Variants in RNF126 observed in about 807,000 individuals in gnomAD.
The protein encoded by RNF126 is ring finger protein 126.
In RNF126, 20 loss-of-function variants were observed where a neutral mutation model predicts 41.9. That is an observed-to-expected ratio of 0.48 (90% CI 0.34 to 0.69). The LOEUF is 0.69. RNF126 is among the 30% of genes least tolerant of loss of function. The pLI, the probability that RNF126 is intolerant of heterozygous loss-of-function variation, is 0.01. For missense variants in RNF126, 433 were observed against 460.6 expected (o/e 0.94, Z 0.55); for synonymous variants, 239 against 202.9 (o/e 1.18, Z -1.51).
Position 655,419 on chromosome 19 carries a change from G to A in RNF126, c.76-2535C>T, listed in dbSNP as rs182961039. Among the ~76,000 whole-genome samples the A allele has an allele frequency of 3.1e-3, 468 of 152,038 alleles. 1 individual carries two copies. Among genetic ancestry groups the A allele is most frequent in the African/African-American group, 0.011 (451 of 41,452 alleles). ...GAGAACGGCTTGAACCTGGGAGGCA[G>A]AGCTTGCAGTGAGCCGAGATCGCGC... On this transcript the variant is annotated intron_variant, in intron 1 of 8. Coordinates refer to ENST00000292363, the MANE Select transcript of RNF126 (RefSeq NM_194460.3).
chr19:647,943 GC>G lies in RNF126; in HGVS notation c.*184del. On this transcript the variant is annotated 3_prime_UTR_variant, in exon 9 of 9. Transcript: ENST00000292363. The stretch of plus-strand genomic sequence containing the variant: ...GGGACGCCCCAGAGGGGACCATGTG[GC>G]CCACGCCTTCCCAAGCCAGGGGGCC... 1.4e-6 allele frequency: 1 copy of G among 692,134 alleles called. No individual in the cohort carries two copies. Among genetic ancestry groups the G allele is most frequent in the Non-Finnish European group, 2.4e-6 (1 of 420,892 alleles). 42.9% of individuals were successfully genotyped at this position (692,134 alleles called of 1,614,324 possible). A position where few individuals can be genotyped will look rare whatever the true frequency, so the allele number is the denominator to read the frequency against.
Position 648,110 on chromosome 19 carries a change from C to A in RNF126, c.*18G>T. 6.4e-7 allele frequency: 1 copy of A among 1,552,292 alleles called. No individual in the cohort carries two copies. The highest frequency in any genetic ancestry group is 8.7e-7 in the Non-Finnish European group (1 of 1,145,044). ...TGGGTGGGAAAGGCCCCGTGCTTTC[C>A]CGACGGCCGACGTGGGCTCACGAGT... On this transcript the variant is annotated 3_prime_UTR_variant, in exon 9 of 9. Transcript: ENST00000292363.
At chr19:663,008 C>G (rs1358305507) in intron 1 of RNF126, 39 bp downstream of exon 1, 6 of 1,194,206 alleles carry the variant, frequency 5.0e-6, no homozygotes, top group Non-Finnish European at 6.5e-6. Context: ...AGGCCTGCGG[C>G]GCAGACCCTG....
Position 649,008 on chromosome 19 carries a change from C to A in RNF126, c.577-33G>T, listed in dbSNP as rs758501438. The A allele has an allele frequency of 5.3e-6, 6 of 1,141,190 alleles. No homozygotes were observed. In the South Asian group the frequency reaches 1.3e-4, roughly 25 times the overall value. The allele number at this position is 1,141,190 out of a possible 1,614,324, so 70.7% of individuals were successfully genotyped here. A position where few individuals can be genotyped will look rare whatever the true frequency, so the allele number is the denominator to read the frequency against. On this transcript the variant is annotated intron_variant, in intron 6 of 8. Transcript: ENST00000292363. ...ACAAGAGGCGAGAGTGCCGGGAGCT[C>A]CTCGGGGGCCCGGCCCGGGGCTCTG...
intron 3 of RNF126, 99 bp downstream of exon 3, chr19:652,134 G>C (rs539998380): frequency 9.5e-7 from 1 of 1,053,340 alleles, no homozygotes; most frequent in African/African-American, 1.7e-5. Context: ...TCCGCCGTGC[G>C]GGCAGGGAGA....
At chr19:662,119 G>C (rs981633123) in intron 1 of RNF126, among the ~76,000 whole-genome samples, 2 of 152,142 alleles carry the variant, frequency 1.3e-5, no homozygotes, top group African/African-American at 4.8e-5. Context: ...AGGAGTTCAA[G>C]ACCAGCCTGG....
At chr19:649,945 C>G (rs2030192344) in intron 5 of RNF126, among the ~76,000 whole-genome samples, 197 bp from the exon 6 acceptor site, 1 of 143,340 alleles carries the variant, frequency 7.0e-6, no homozygotes, top group Non-Finnish European at 1.5e-5. Flanking sequence ...AACAGGCACC[C>G]CCTCCTACTC....
intron 2 of RNF126, chr19:652,582 C>G (rs1224086109): frequency 1.7e-6 from 1 of 605,416 alleles, no homozygotes; most frequent in Admixed American, 3.0e-5. Flanking sequence ...ACCAGATTAG[C>G]CGCCGAGGCT....
At chr19:662,974 C>T in intron 1 of RNF126, 73 bp downstream of exon 1, 1 of 703,940 alleles carries the variant, frequency 1.4e-6, no homozygotes, top group Non-Finnish European at 2.0e-6. Context: ...CAAGCGACCC[C>T]CACCCCGGCC....
intron 3 of RNF126, 31 bp downstream of exon 3, chr19:652,202 G>T (rs748277518): frequency 6.7e-7 from 1 of 1,498,236 alleles, no homozygotes; most frequent in Non-Finnish European, 8.9e-7. Flanking sequence ...AGGCTGACAC[G>T]ATCGGGAAGC....
intron 4 of RNF126, 47 bp downstream of exon 4, chr19:651,564 G>C (rs571807936): frequency 7.2e-7 from 1 of 1,380,114 alleles, no homozygotes; most frequent in African/African-American, 1.5e-5. Flanking sequence ...CAGAACTTCC[G>C]ACCTCAAGGC....
At chr19:653,036 G>T in intron 1 of RNF126, 152 bp from the exon 2 acceptor site, 1 of 691,158 alleles carries the variant, frequency 1.4e-6, no homozygotes, top group Non-Finnish European at 2.5e-6. Context: ...GGGTCCTGGA[G>T]GGCGGCCGAG....
chr19:647,633 C>T lies in RNF126; in HGVS notation c.*495G>A, dbSNP rs2030008413. ...GTTCTTGAATTTTGCTGGTCATCCT[C>T]ATGGTCCCGAGCCCCCCTACTCCGG... On this transcript the variant is annotated 3_prime_UTR_variant, in exon 9 of 9. Coordinates refer to ENST00000292363, the MANE Select transcript of RNF126 (RefSeq NM_194460.3). The T allele has an allele frequency of 5.9e-6, 1 of 170,192 alleles. No homozygotes were observed. Among genetic ancestry groups the T allele is most frequent in the Admixed American group, 5.7e-5 (1 of 17,586 alleles). 10.5% of individuals were successfully genotyped at this position (170,192 alleles called of 1,614,324 possible).
intron 4 of RNF126, chr19:650,583 A>AATTT: frequency 1.6e-5 from 2 of 126,908 alleles, no homozygotes; most frequent in Non-Finnish European, 1.4e-5. Flanking sequence ...ACTCTCGGCT[A>AATTT]CTTTTTTTTT....
chr19:648,635 G>A, intron 7 of RNF126, 148 bp from the exon 8 acceptor site: 1 of 715,516 alleles, frequency 1.4e-6, no homozygotes, highest in South Asian at 1.7e-5. Flanking sequence ...GCTGCCAGAG[G>A]GGACCTGGAC....
chr19:662,519 G>A (rs373304214), intron 1 of RNF126, among the ~76,000 whole-genome samples: 3 of 152,072 alleles, frequency 2.0e-5, no homozygotes, highest in Non-Finnish European at 4.4e-5. Flanking sequence ...CAAGGCGGCG[G>A]CCAGGGCTCC....
intron 1 of RNF126, among the ~76,000 whole-genome samples, chr19:658,114 G>A (rs557426584): frequency 6.6e-6 from 1 of 152,134 alleles, no homozygotes; most frequent in South Asian, 2.1e-4. Flanking sequence ...GATGCAGGAG[G>A]TACGATCACC....
chr19:654,625 G>C (rs1011139650), intron 1 of RNF126, among the ~76,000 whole-genome samples: 1 of 128,442 alleles, frequency 7.8e-6, no homozygotes, highest in Non-Finnish European at 1.6e-5. Flanking sequence ...CCTGGGCGAG[G>C]GAGCAAGACT....
At position 659,318 on chromosome 19, in the gene RNF126, C is replaced by T. The variant is rs900819465; in HGVS notation, c.75+3729G>A. Among the ~76,000 whole-genome samples, 72 of 152,290 alleles carry T rather than the reference C, an allele frequency of 4.7e-4. No homozygotes were observed. Among genetic ancestry groups the T allele is most frequent in the African/African-American group, 1.6e-3 (68 of 41,572 alleles). On this transcript the variant is annotated intron_variant, in intron 1 of 8. Transcript: ENST00000292363. The surrounding 1 kb of genome is among the most constrained non-coding windows in gnomAD (Gnocchi z 4.9). Reference sequence around the variant, plus strand: ...GCCTGGCCCCATCAGTGACACTGGCCGTAGCAGCCCTCACTTCCTGGTGGC... The same window carrying T: ...GCCTGGCCCCATCAGTGACACTGGCTGTAGCAGCCCTCACTTCCTGGTGGC...
Sources: gnomAD v4.1 joint callset for allele counts (sites outside exome capture counted in the v4.1 genomes callset) on GRCh38, gnomAD v4.1.1 for gene constraint, Gnocchi (gnomAD v3.1) non-coding constraint, MANE v1.5 for transcripts, NCBI Gene and HGNC (gene_info 2026-07-23, HGNC 2026-07-21) for gene names.